Variants in FRMD4A observed in about 807,000 individuals in gnomAD.
FRMD4A encodes FERM domain-containing protein 4A.
In FRMD4A, 29 loss-of-function variants were observed where a neutral mutation model predicts 129.1. The observed-to-expected ratio is 0.22, with a 90% confidence interval of 0.17 to 0.31. The LOEUF is 0.31. FRMD4A is among the 10% of genes least tolerant of loss of function. The pLI, the probability that FRMD4A is intolerant of heterozygous loss-of-function variation, is 1.00. For missense variants in FRMD4A, 1,272 were observed against 1,375.8 expected (o/e 0.92, Z 1.19); for synonymous variants, 634 against 571.6 (o/e 1.11, Z -1.56).
chr10:13,698,574 T>G (rs1043251490), intron 14 of FRMD4A, among the ~76,000 whole-genome samples: 1 of 152,226 alleles, frequency 6.6e-6, no homozygotes, highest in Non-Finnish European at 1.5e-5. Flanking sequence ...GAATTTAAAC[T>G]TCATGCAAGT....
chr10:13,914,347 G>A (rs147891254), intron 2 of FRMD4A, among the ~76,000 whole-genome samples: 3 of 152,198 alleles, frequency 2.0e-5, no homozygotes, highest in African/African-American at 7.2e-5. Context: ...TATGAATAAC[G>A]TATCCAATAT....
chr10:14,175,522 C>CTT (rs374088064), intron 2 of FRMD4A, among the ~76,000 whole-genome samples: 7,305 of 122,926 alleles, frequency 0.059, 501 homozygotes, highest in East Asian at 0.21. Flanking sequence ...AGTTTGCTTC[C>CTT]TTTTTTTTTT....
intron 2 of FRMD4A, among the ~76,000 whole-genome samples, chr10:14,171,894 T>C (rs1841495438): frequency 1.3e-5 from 2 of 152,224 alleles, no homozygotes; most frequent in South Asian, 4.1e-4. Flanking sequence ...CAGAACAGAC[T>C]TAAGGAGGCA....
chr10:14,076,143 A>AGT (rs1326572911), intron 2 of FRMD4A, among the ~76,000 whole-genome samples: 1 of 152,130 alleles, frequency 6.6e-6, no homozygotes, highest in Non-Finnish European at 1.5e-5. Context: ...TCATTTGCCC[A>AGT]GTGTGTGTCT....
chr10:14,300,926 GT>G (rs1444731784), intron 2 of FRMD4A, among the ~76,000 whole-genome samples: 2 of 152,170 alleles, frequency 1.3e-5, no homozygotes, highest in Non-Finnish European at 2.9e-5. Context: ...TTGCCTGAGA[GT>G]TTTGGCCAAC....
chr10:14,020,018 A>T (rs1361442709), intron 2 of FRMD4A, among the ~76,000 whole-genome samples: 1 of 152,210 alleles, frequency 6.6e-6, no homozygotes, highest in African/African-American at 2.4e-5. Flanking sequence ...ATCTTCTGAA[A>T]CGAGATGCAG....
chr10:14,101,526 T>C lies in FRMD4A; in HGVS notation c.45+228532A>G, dbSNP rs112968471. Among the ~76,000 whole-genome samples, 641 of 152,168 alleles carry C rather than the reference T, an allele frequency of 4.2e-3. 4 individuals carry two copies. The highest frequency in any genetic ancestry group is 0.014 in the African/African-American group (573 of 41,496). ...ATTAGTTTCAACACATCTTTTGAGA[T>C]AGGAGGAGAGAGGGAAAAATAACAG... is the stretch of plus-strand genomic sequence containing the variant. On this transcript the variant is annotated intron_variant, in intron 2 of 24. Transcript: ENST00000357447.
At chr10:13,792,145 G>A (rs1246261271) in intron 5 of FRMD4A, among the ~76,000 whole-genome samples, 2 of 152,170 alleles carry the variant, frequency 1.3e-5, no homozygotes, top group African/African-American at 4.8e-5. Flanking sequence ...CTCTGGGTTG[G>A]GTAGTGCTGG....
chr10:14,254,394 G>A (rs78959938), intron 2 of FRMD4A, among the ~76,000 whole-genome samples: 9,730 of 152,144 alleles, frequency 0.064, 393 homozygotes, highest in Non-Finnish European at 0.089. Context: ...TTTGTCTGAG[G>A]TGGAAGAAGG....
intron 2 of FRMD4A, among the ~76,000 whole-genome samples, chr10:13,905,111 T>C (rs1187334023): frequency 6.6e-6 from 1 of 151,952 alleles, no homozygotes; most frequent in Non-Finnish European, 1.5e-5. Flanking sequence ...CCACTGTTTC[T>C]CATAAATGAA....
At chr10:13,674,592 TA>T (rs2083807587) in intron 16 of FRMD4A, among the ~76,000 whole-genome samples, 1 of 152,154 alleles carries the variant, frequency 6.6e-6, no homozygotes, top group South Asian at 2.1e-4. Flanking sequence ...CATATTCTTT[TA>T]AAAAAATTCG....
chr10:14,051,824 G>A (rs534124528), intron 2 of FRMD4A, among the ~76,000 whole-genome samples: 4 of 152,358 alleles, frequency 2.6e-5, no homozygotes, highest in African/African-American at 9.6e-5. Context: ...GGAGGAGATC[G>A]CAGATGCCAG....
At chr10:13,901,845 G>A (rs1361786995) in intron 2 of FRMD4A, among the ~76,000 whole-genome samples, 1 of 152,034 alleles carries the variant, frequency 6.6e-6, no homozygotes, top group African/African-American at 2.4e-5. Context: ...CAGGAAGCTG[G>A]CCCCCAGTGA....
intron 2 of FRMD4A, among the ~76,000 whole-genome samples, chr10:14,228,725 C>T (rs982308936): frequency 4.0e-5 from 6 of 151,726 alleles, no homozygotes; most frequent in Admixed American, 2.0e-4. Context: ...AGATTAGGTT[C>T]TGGATTAATA....
intron 2 of FRMD4A, among the ~76,000 whole-genome samples, chr10:14,166,168 AATAAT>A (rs1486890239): frequency 1.3e-5 from 2 of 150,548 alleles, no homozygotes; most frequent in African/African-American, 2.4e-5. Flanking sequence ...ATGTTATATA[AATAAT>A]ATATTAACAT....
chr10:14,126,049 G>A (rs7906344), intron 2 of FRMD4A, among the ~76,000 whole-genome samples: 96,526 of 152,004 alleles, frequency 0.64, 30,886 homozygotes, highest in East Asian at 0.79. Context: ...TATCACAGTG[G>A]TTGGAACTTC....
intron 9 of FRMD4A, among the ~76,000 whole-genome samples, chr10:13,747,106 C>T (rs1041424870): frequency 6.6e-6 from 1 of 151,600 alleles, no homozygotes; most frequent in African/African-American, 2.4e-5. Flanking sequence ...ACTCTAGCAG[C>T]ACATGAAAGG....
chr10:13,652,121 T>C (rs2081670171), intron 23 of FRMD4A, 147 bp from the exon 24 acceptor site: 1 of 671,582 alleles, frequency 1.5e-6, no homozygotes, highest in Non-Finnish European at 2.7e-6. Flanking sequence ...ATCATACAAG[T>C]CATGCAGTAC....
chr10:14,189,868 G>C (rs117114986), intron 2 of FRMD4A, among the ~76,000 whole-genome samples: 7 of 152,230 alleles, frequency 4.6e-5, no homozygotes, highest in African/African-American at 1.7e-4. Context: ...AATTTGAGTC[G>C]GCCTCAGTAG....
Sources: gnomAD v4.1 joint callset for allele counts (sites outside exome capture counted in the v4.1 genomes callset) on GRCh38, gnomAD v4.1.1 for gene constraint, MANE v1.5 for transcripts, NCBI Gene and HGNC (gene_info 2026-07-23, HGNC 2026-07-21) for gene names.